Variants in ZMYM2 observed in about 807,000 individuals in gnomAD.
ZMYM2 encodes the protein zinc finger MYM-type containing 2.
Under a neutral mutation model 162.8 loss-of-function variants are expected in ZMYM2, and 56 were observed. That is an observed-to-expected ratio of 0.34 (90% CI 0.28 to 0.43). The LOEUF (loss-of-function observed/expected upper bound fraction) is 0.43. Among genes scored for constraint, ZMYM2 ranks in the 20% least tolerant of loss-of-function variants. The probability of loss-of-function intolerance (pLI) is 1.00; values close to 1 mark genes in which losing one functional copy is unlikely to be tolerated. For missense variants in ZMYM2, 1,275 were observed against 1,621.8 expected, an observed-to-expected ratio of 0.79 and a Z score of 3.67; for synonymous variants, 510 against 541.6, an observed-to-expected ratio of 0.94 and a Z score of 0.81.
chr13:19,969,133 A>G (rs1415998549), intron 2 of ZMYM2, among the ~76,000 whole-genome samples: 1 of 152,108 alleles, frequency 6.6e-6, no homozygotes, highest in Non-Finnish European at 1.5e-5. Context: ...TATTCTTATG[A>G]TTTTTCCACC....
chr13:19,863,987 G>A, the ZMYM2 span: 11 of 152,204 alleles, frequency 7.2e-5, no homozygotes, highest in Admixed American at 5.9e-4. Flanking sequence ...GGGGCCCGGG[G>A]CTCTCCGGGA....
chr13:19,939,842 C>T, the ZMYM2 span, among the ~76,000 whole-genome samples: 2 of 152,162 alleles, frequency 1.3e-5, no homozygotes, highest in African/African-American at 4.8e-5. Flanking sequence ...ATTCTCATTA[C>T]AGTCCTATGT....
At chr13:19,933,243 G>T in the ZMYM2 span, among the ~76,000 whole-genome samples, 1 of 152,170 alleles carries the variant, frequency 6.6e-6, no homozygotes, top group African/African-American at 2.4e-5. Flanking sequence ...GAACCAAAGT[G>T]CCCAGCCTGT....
At chr13:20,029,475 A>AT (rs1298014798) in intron 9 of ZMYM2, among the ~76,000 whole-genome samples, 2 of 152,086 alleles carry the variant, frequency 1.3e-5, no homozygotes, top group South Asian at 2.1e-4. Flanking sequence ...TGGGGCTCAA[A>AT]TTTTTTGGAA....
chr13:20,015,669 T>C (rs750774066), intron 6 of ZMYM2, among the ~76,000 whole-genome samples: 8 of 152,168 alleles, frequency 5.3e-5, no homozygotes, highest in Non-Finnish European at 1.2e-4. Flanking sequence ...TGATACTTGG[T>C]ATGTATATGT....
the ZMYM2 span, among the ~76,000 whole-genome samples, chr13:19,897,939 C>T: frequency 2.0e-5 from 3 of 151,998 alleles, no homozygotes; most frequent in African/African-American, 7.2e-5. Context: ...GATAGAACAA[C>T]GAATGAAAAT....
chr13:20,000,778 C>T (rs550771363), intron 3 of ZMYM2, among the ~76,000 whole-genome samples: 2 of 152,300 alleles, frequency 1.3e-5, no homozygotes, highest in South Asian at 4.1e-4. Flanking sequence ...ATTCTGTAGC[C>T]TGTGGATCAA....
At chr13:19,890,849 G>A in the ZMYM2 span, among the ~76,000 whole-genome samples, 32 of 150,750 alleles carry the variant, frequency 2.1e-4, no homozygotes, top group African/African-American at 6.9e-4. Context: ...TCCAGCCTGG[G>A]CAACAGAGCA....
At chr13:19,901,491 C>G in the ZMYM2 span, among the ~76,000 whole-genome samples, 2 of 152,090 alleles carry the variant, frequency 1.3e-5, no homozygotes, top group Non-Finnish European at 2.9e-5. Context: ...ACCTCTCCCC[C>G]ACTAACTTTT....
the ZMYM2 span, among the ~76,000 whole-genome samples, chr13:19,899,248 G>T: frequency 5.3e-5 from 8 of 151,942 alleles, no homozygotes; most frequent in African/African-American, 9.7e-5. Flanking sequence ...ACCACGCCTG[G>T]TGCAAGACCC....
At chr13:20,084,393 T>C (rs891487142) in intron 24 of ZMYM2, among the ~76,000 whole-genome samples, 1 of 152,224 alleles carries the variant, frequency 6.6e-6, no homozygotes, top group Non-Finnish European at 1.5e-5. Flanking sequence ...ATGGTAAATA[T>C]TTTAGGCTTT....
At position 20,074,378 on chromosome 13, in the gene ZMYM2, C is replaced by T. The variant is rs751259041; in HGVS notation, c.3453+6988C>T. The stretch of plus-strand genomic sequence containing the variant: ...CTTTAGGTGGCTGGGAATGTGGGCA[C>T]GTACCACCATACCTGGCTAACTAAC... On this transcript the variant is annotated intron_variant, in intron 21 of 24. Transcript: ENST00000610343. 3.3e-5 allele frequency among the ~76,000 whole-genome samples: 5 copies of T among 151,854 alleles called. No homozygotes were observed. In the South Asian group the frequency reaches 6.2e-4, roughly 19 times the overall value.
chr13:20,014,564 T>C (rs951657250), intron 6 of ZMYM2, among the ~76,000 whole-genome samples: 5 of 152,114 alleles, frequency 3.3e-5, no homozygotes, highest in Admixed American at 6.5e-5. Flanking sequence ...GGTAGTAATG[T>C]CTCCTATATT....
the ZMYM2 span, among the ~76,000 whole-genome samples, chr13:19,887,033 G>A: frequency 6.6e-6 from 1 of 151,826 alleles, no homozygotes; most frequent in South Asian, 2.1e-4. Flanking sequence ...TCTGTCCTCT[G>A]AATTTCCTGC....
At chr13:19,885,965 GTATACACATATATA>G in the ZMYM2 span, among the ~76,000 whole-genome samples, 4 of 91,290 alleles carry the variant, frequency 4.4e-5, 2 homozygotes, top group Non-Finnish European at 9.0e-5. Flanking sequence ...ATATATATGT[GTATACACATATATA>G]TGTATATACA....
At chr13:20,059,341 A>AG in intron 15 of ZMYM2, 106 bp from the exon 16 acceptor site, 1 of 1,242,170 alleles carries the variant, frequency 8.1e-7, no homozygotes, top group South Asian at 1.5e-5. Context: ...AAAAAAAAAA[A>AG]GGTACTGAGG....
chr13:19,997,861 TGTCAATATATGCGTGTGA>T (rs1290290207), intron 3 of ZMYM2, among the ~76,000 whole-genome samples: 1 of 152,192 alleles, frequency 6.6e-6, no homozygotes, highest in Non-Finnish European at 1.5e-5. Context: ...ATTTTGTTCA[TGTCAATATATGCGTGTGA>T]AATTTGTCTA....
the ZMYM2 span, chr13:19,863,881 T>TGTCTCCCCGCCG: frequency 6.6e-6 from 1 of 150,966 alleles, no homozygotes; most frequent in Non-Finnish European, 1.5e-5. Context: ...CCGGTCGGGT[T>TGTCTCCCCGCCG]GTCTCCCCGC....
At position 20,085,857 on chromosome 13, in the gene ZMYM2, A is replaced by G; in HGVS notation, c.3977A>G (p.Tyr1326Cys). The change falls in exon 25 of 25, where the codon TAT becomes TGT. Residue 1326 changes from tyrosine (Y) to cysteine (C), a missense_variant. By Grantham distance (194) the Tyr-to-Cys change is radical. Transcript: ENST00000610343. Reference protein sequence around the residue: ...QNLNQRMDVFYLQPECSSSTD... With the variant: ...QNLNQRMDVFCLQPECSSSTD... Reference sequence around the variant, plus strand: ...CTTAATCAGAGGATGGATGTTTTTTATTTGCAACCAGAATGCTCTAGTTCT... The same window carrying G: ...CTTAATCAGAGGATGGATGTTTTTTGTTTGCAACCAGAATGCTCTAGTTCT... 6.2e-7 allele frequency: 1 copy of G among 1,611,552 alleles called. No homozygotes were observed. The highest frequency in any genetic ancestry group is 8.5e-7 in the Non-Finnish European group (1 of 1,178,774).
Sources: allele counts gnomAD v4.1 joint callset (sites outside exome capture counted in the v4.1 genomes callset), GRCh38; gene constraint gnomAD v4.1.1; transcripts MANE v1.5; gene names NCBI Gene and HGNC (gene_info 2026-07-23, HGNC 2026-07-21).